Variants in QTMAN observed in about 807,000 individuals in gnomAD.
QTMAN encodes queuosine-tRNA mannosyltransferase.
the QTMAN span, among the ~76,000 whole-genome samples, chr2:144,331,755 G>C: frequency 1.3e-5 from 2 of 152,282 alleles, 1 homozygote; most frequent in South Asian, 4.1e-4. Context: ...GGATTGTCTG[G>C]ATCCCGATGA....
chr2:144,309,155 T>C, the QTMAN span, among the ~76,000 whole-genome samples: 2 of 152,222 alleles, frequency 1.3e-5, no homozygotes, highest in African/African-American at 4.8e-5. Flanking sequence ...AATTTTTTCA[T>C]ATATTGCTAG....
At chr2:144,151,605 G>A in the QTMAN span, among the ~76,000 whole-genome samples, 15 of 152,228 alleles carry the variant, frequency 9.9e-5, no homozygotes, top group Non-Finnish European at 1.8e-4. Flanking sequence ...AACTGGATAT[G>A]AGAAGCGAAA....
chr2:144,266,128 G>A, the QTMAN span, among the ~76,000 whole-genome samples: 1 of 152,210 alleles, frequency 6.6e-6, no homozygotes, highest in African/African-American at 2.4e-5. Flanking sequence ...AGGTCATTGT[G>A]AGAAGAGAAC....
At chr2:143,962,306 T>C in the QTMAN span, among the ~76,000 whole-genome samples, 1 of 151,986 alleles carries the variant, frequency 6.6e-6, no homozygotes, top group Non-Finnish European at 1.5e-5. Flanking sequence ...TGTGTCTACA[T>C]GGGGAGGAAG....
At chr2:144,310,904 GA>G in the QTMAN span, among the ~76,000 whole-genome samples, 1 of 152,094 alleles carries the variant, frequency 6.6e-6, no homozygotes. Flanking sequence ...AAGAAATAAA[GA>G]TTTTTTTTTT....
the QTMAN span, among the ~76,000 whole-genome samples, chr2:144,122,548 G>C: frequency 6.6e-6 from 1 of 152,128 alleles, no homozygotes; most frequent in African/African-American, 2.4e-5. Flanking sequence ...GATACTAAAT[G>C]AAAGTCTCTT....
chr2:143,993,356 T>G, the QTMAN span, among the ~76,000 whole-genome samples: 4 of 151,116 alleles, frequency 2.6e-5, no homozygotes. Flanking sequence ...AAAAGACATC[T>G]GCATCTTAAT....
the QTMAN span, among the ~76,000 whole-genome samples, chr2:144,287,438 C>T: frequency 1.4e-5 from 1 of 70,702 alleles, no homozygotes; most frequent in African/African-American, 5.7e-5. Context: ...GACTCTGTCT[C>T]AAAAAAAAAA....
the QTMAN span, among the ~76,000 whole-genome samples, chr2:144,224,677 A>G: frequency 6.6e-6 from 1 of 152,214 alleles, no homozygotes; most frequent in African/African-American, 2.4e-5. Flanking sequence ...GGGAGTATGT[A>G]GATCTGGATC....
the QTMAN span, chr2:144,178,809 A>T: frequency 1.2e-4 from 43 of 357,116 alleles, no homozygotes; most frequent in East Asian, 3.1e-3. Flanking sequence ...GAAATAATCA[A>T]CTGATGCCGG....
At chr2:144,072,693 G>A in the QTMAN span, among the ~76,000 whole-genome samples, 1 of 152,192 alleles carries the variant, frequency 6.6e-6, no homozygotes, top group South Asian at 2.1e-4. Context: ...ACAACAGAGA[G>A]CCAGGCCAAA....
At chr2:144,008,633 G>T in the QTMAN span, among the ~76,000 whole-genome samples, 28 of 152,000 alleles carry the variant, frequency 1.8e-4, no homozygotes, top group Admixed American at 1.8e-3. Flanking sequence ...TGTAGGGGAA[G>T]AAATGGGTTT....
the QTMAN span, among the ~76,000 whole-genome samples, chr2:143,990,815 C>T: frequency 7.9e-5 from 12 of 152,138 alleles, no homozygotes; most frequent in African/African-American, 1.9e-4. Flanking sequence ...ACAAAGCTCT[C>T]GAATACTAAA....
the QTMAN span, among the ~76,000 whole-genome samples, chr2:144,307,845 T>C: frequency 2.6e-5 from 4 of 152,108 alleles, no homozygotes; most frequent in Non-Finnish European, 5.9e-5. Flanking sequence ...AATAACTAAA[T>C]TGAGGTATAC....
the QTMAN span, among the ~76,000 whole-genome samples, chr2:144,079,594 T>A: frequency 2.0e-5 from 3 of 152,046 alleles, no homozygotes; most frequent in African/African-American, 7.2e-5. Context: ...GTTATGGGGT[T>A]CACTCTATCT....
chr2:144,214,503 G>C, the QTMAN span, among the ~76,000 whole-genome samples: 39 of 152,288 alleles, frequency 2.6e-4, no homozygotes, highest in Admixed American at 1.6e-3. Context: ...GATGGATACT[G>C]ATCATTATTC....
chr2:144,117,697 T>C, the QTMAN span, among the ~76,000 whole-genome samples: 1 of 152,242 alleles, frequency 6.6e-6, no homozygotes, highest in Admixed American at 6.5e-5. Flanking sequence ...GACAGGTTGA[T>C]AAGTTAGTGT....
the QTMAN span, among the ~76,000 whole-genome samples, chr2:144,069,632 A>C: frequency 6.6e-6 from 1 of 152,156 alleles, no homozygotes; most frequent in African/African-American, 2.4e-5. Flanking sequence ...TTCAAGCCTG[A>C]AGAAGCCAGA....
the QTMAN span, among the ~76,000 whole-genome samples, chr2:144,075,590 A>T: frequency 6.6e-6 from 1 of 152,174 alleles, no homozygotes; most frequent in Non-Finnish European, 1.5e-5. Flanking sequence ...TAGTGATAGG[A>T]CTCTATAAAC....
Sources: gnomAD v4.1 joint callset for allele counts (sites outside exome capture counted in the v4.1 genomes callset) on GRCh38, gnomAD v4.1.1 for gene constraint, MANE v1.5 for transcripts, NCBI Gene and HGNC (gene_info 2026-07-23, HGNC 2026-07-21) for gene names.